The following EPHB1 variants were observed in gnomAD, a reference collection of about 807,000 sequenced individuals.
The protein encoded by EPHB1 is EPH receptor B1.
EPHB1 carries 30 observed loss-of-function variants against 94.4 expected under a neutral mutation model. The ratio of observed to expected loss-of-function variants is 0.32; its 90% confidence interval spans 0.24 to 0.43. EPHB1 has a LOEUF of 0.43. EPHB1 is among the 20% of genes least tolerant of loss of function. The probability of loss-of-function intolerance (pLI) is 1.00; values close to 1 mark genes in which losing one functional copy is unlikely to be tolerated. For missense variants in EPHB1, 1,055 were observed against 1,308.3 expected, an observed-to-expected ratio of 0.81 and a Z score of 2.99; for synonymous variants, 522 against 489.1, an observed-to-expected ratio of 1.07 and a Z score of -0.89.
chr3:135,237,674 C>T (rs1266223933), intron 12 of EPHB1, among the ~76,000 whole-genome samples: 3 of 152,214 alleles, frequency 2.0e-5, no homozygotes, highest in Admixed American at 6.5e-5. Context: ...CCAGTGTCAG[C>T]ACTTCTGTGT....
intron 1 of EPHB1, among the ~76,000 whole-genome samples, chr3:134,894,398 G>T (rs951863748): frequency 1.3e-5 from 2 of 152,184 alleles, no homozygotes; most frequent in African/African-American, 4.8e-5. Context: ...CTTTCTGGAG[G>T]AAAAATGCAA....
At chr3:135,243,446 C>CCCCACGGCTGGGAAG (rs1943843903) in intron 13 of EPHB1, among the ~76,000 whole-genome samples, 4 of 152,120 alleles carry the variant, frequency 2.6e-5, no homozygotes, top group Admixed American at 2.6e-4. Context: ...AGATGGGTCT[C>CCCCACGGCTGGGAAG]AGAGGGAATA....
At chr3:135,133,157 C>A in intron 5 of EPHB1, 108 bp downstream of exon 5, 1 of 1,142,592 alleles carries the variant, frequency 8.8e-7, no homozygotes, top group Non-Finnish European at 1.2e-6. Context: ...ACTGTCAGGC[C>A]TCTGCCCAGG....
intron 3 of EPHB1, among the ~76,000 whole-genome samples, chr3:135,083,560 C>T (rs767105593): frequency 4.6e-5 from 7 of 151,580 alleles, no homozygotes; most frequent in Non-Finnish European, 7.4e-5. Context: ...GCTCAGATCC[C>T]AGCAGAAATG....
intron 2 of EPHB1, among the ~76,000 whole-genome samples, chr3:134,949,000 G>A (rs1932906915): frequency 6.6e-6 from 1 of 152,216 alleles, no homozygotes; most frequent in African/African-American, 2.4e-5. Context: ...TTGTGAGTTT[G>A]GGGATGTTAG....
At chr3:134,992,178 G>T (rs960677479) in intron 3 of EPHB1, among the ~76,000 whole-genome samples, 3 of 152,150 alleles carry the variant, frequency 2.0e-5, no homozygotes, top group African/African-American at 7.2e-5. Context: ...GGGGGGCCAG[G>T]GAAGACTGTG....
chr3:135,155,346 A>T (rs1941318457), intron 6 of EPHB1, among the ~76,000 whole-genome samples: 3 of 152,234 alleles, frequency 2.0e-5, no homozygotes, highest in Non-Finnish European at 4.4e-5. Flanking sequence ...TGAAGCAGTT[A>T]TCTGGAGGAG....
intron 2 of EPHB1, among the ~76,000 whole-genome samples, chr3:134,946,391 T>C (rs1399641193): frequency 1.3e-5 from 2 of 152,222 alleles, no homozygotes; most frequent in Admixed American, 1.3e-4. Flanking sequence ...TGGCTGTCTG[T>C]CACACAGCCT....
chr3:135,006,768 G>A (rs950894062), intron 3 of EPHB1, among the ~76,000 whole-genome samples: 1 of 152,152 alleles, frequency 6.6e-6, no homozygotes. Flanking sequence ...CCCAGAAATG[G>A]GGTTACAAAG....
intron 3 of EPHB1, among the ~76,000 whole-genome samples, chr3:134,988,586 ATGC>A (rs1934685230): frequency 6.6e-6 from 1 of 152,190 alleles, no homozygotes. Context: ...ATACCAGAAT[ATGC>A]CCACTCCTCC....
intron 1 of EPHB1, among the ~76,000 whole-genome samples, chr3:134,891,974 C>G (rs973319764): frequency 1.3e-5 from 2 of 152,254 alleles, no homozygotes; most frequent in African/African-American, 4.8e-5. Context: ...ATATCATTCT[C>G]TCTTTAGCCA....
chr3:135,148,951 C>A (rs1450920974), intron 5 of EPHB1, among the ~76,000 whole-genome samples: 3 of 152,108 alleles, frequency 2.0e-5, no homozygotes, highest in Non-Finnish European at 2.9e-5. Context: ...CTGTTTGAAC[C>A]CTAGTTGATT....
intron 1 of EPHB1, among the ~76,000 whole-genome samples, chr3:134,873,715 G>T (rs1204021931): frequency 6.6e-6 from 1 of 152,230 alleles, no homozygotes; most frequent in Non-Finnish European, 1.5e-5. Context: ...ACGCATCTGT[G>T]TTAGCAGGTG....
intron 15 of EPHB1, among the ~76,000 whole-genome samples, chr3:135,253,250 C>A (rs1184691411): frequency 6.6e-6 from 1 of 151,280 alleles, no homozygotes; most frequent in African/African-American, 2.4e-5. Flanking sequence ...GCTTTTGTTG[C>A]CATTGCTTTT....
chr3:135,122,627 AG>A (rs1239101741), intron 4 of EPHB1, among the ~76,000 whole-genome samples: 6 of 150,830 alleles, frequency 4.0e-5, no homozygotes, highest in African/African-American at 1.2e-4. Context: ...GGGCTTCTGC[AG>A]CCTCAAGGAA....
chr3:134,878,867 A>G (rs1248682980), intron 1 of EPHB1, among the ~76,000 whole-genome samples: 1 of 152,216 alleles, frequency 6.6e-6, no homozygotes, highest in African/African-American at 2.4e-5. Context: ...CAATGAATAG[A>G]GGACAACTTT....
At chr3:134,949,801 C>A (rs1161157275) in intron 2 of EPHB1, among the ~76,000 whole-genome samples, 6 of 151,976 alleles carry the variant, frequency 3.9e-5, no homozygotes, top group African/African-American at 1.5e-4. Flanking sequence ...TTCTTGAGAC[C>A]AGGATCTGGA....
intron 3 of EPHB1, among the ~76,000 whole-genome samples, chr3:135,016,845 T>G (rs1238043245): frequency 6.6e-6 from 1 of 152,170 alleles, no homozygotes; most frequent in African/African-American, 2.4e-5. Context: ...CCTTAAAAGA[T>G]CCCATCAGGC....
intron 2 of EPHB1, among the ~76,000 whole-genome samples, chr3:134,940,692 A>G (rs527666759): frequency 1.7e-4 from 26 of 152,234 alleles, no homozygotes; most frequent in African/African-American, 6.0e-4. Flanking sequence ...TGATTACCCC[A>G]CTGCCAGCTG....
Sources: gnomAD v4.1 joint callset for allele counts (sites outside exome capture counted in the v4.1 genomes callset) on GRCh38, gnomAD v4.1.1 for gene constraint, MANE v1.5 for transcripts, NCBI Gene and HGNC (gene_info 2026-07-23, HGNC 2026-07-21) for gene names.